The following FBXL17 variants were observed in gnomAD, a reference collection of about 807,000 sequenced individuals.
FBXL17 encodes F-box and leucine rich repeat protein 17.
Under a neutral mutation model 66.2 loss-of-function variants are expected in FBXL17, and 22 were observed. The ratio of observed to expected loss-of-function variants is 0.33; its 90% CI spans 0.24 to 0.47. The LOEUF is 0.47. FBXL17 is among the 20% of genes least tolerant of loss of function. The pLI, the probability that FBXL17 is intolerant of heterozygous loss-of-function variation, is 1.00. For synonymous variants in FBXL17, 474 were observed against 400.5 expected, an observed-to-expected ratio of 1.18 and a Z score of -2.19; for missense variants, 878 against 948.2, an observed-to-expected ratio of 0.93 and a Z score of 0.97.
At chr5:108,208,786 C>T (rs1166298688) in intron 5 of FBXL17, among the ~76,000 whole-genome samples, 1 of 152,116 alleles carries the variant, frequency 6.6e-6, no homozygotes, top group Non-Finnish European at 1.5e-5. Context: ...ACTGTCATGG[C>T]TATAAGGGCT....
At chr5:108,184,309 G>GTT (rs542214525) in intron 6 of FBXL17, among the ~76,000 whole-genome samples, 1 of 151,700 alleles carries the variant, frequency 6.6e-6, no homozygotes, top group African/African-American at 2.4e-5. Flanking sequence ...TTGTTTTTTC[G>GTT]TTTTTTTGTT....
intron 4 of FBXL17, among the ~76,000 whole-genome samples, chr5:108,331,795 G>A (rs1015203129): frequency 1.3e-5 from 2 of 151,724 alleles, no homozygotes; most frequent in African/African-American, 4.8e-5. Context: ...CAAGTCACAG[G>A]AATTGCTAAA....
chr5:108,166,179 C>G (rs1284192967), intron 6 of FBXL17, among the ~76,000 whole-genome samples: 1 of 152,152 alleles, frequency 6.6e-6, no homozygotes, highest in Admixed American at 6.5e-5. Flanking sequence ...ATGTTGCATT[C>G]CACTGTAATT....
chr5:107,996,683 C>T (rs984814030), intron 7 of FBXL17, among the ~76,000 whole-genome samples: 4 of 152,204 alleles, frequency 2.6e-5, no homozygotes, highest in Admixed American at 1.3e-4. Flanking sequence ...TAAAATATAT[C>T]TACTATATTT....
At chr5:108,174,095 C>T (rs1752703660) in intron 6 of FBXL17, among the ~76,000 whole-genome samples, 1 of 152,126 alleles carries the variant, frequency 6.6e-6, no homozygotes, top group Admixed American at 6.5e-5. Flanking sequence ...CTATTTCTCA[C>T]CACATTCAGC....
intron 4 of FBXL17, among the ~76,000 whole-genome samples, chr5:108,258,933 C>A (rs139583246): frequency 7.4e-4 from 113 of 152,026 alleles, no homozygotes; most frequent in African/African-American, 2.7e-3. Context: ...TAAAGCTAGA[C>A]ATAATAAAAG....
intron 6 of FBXL17, among the ~76,000 whole-genome samples, chr5:108,134,523 T>C (rs923358907): frequency 1.3e-5 from 2 of 152,146 alleles, no homozygotes; most frequent in Non-Finnish European, 2.9e-5. Flanking sequence ...AAACCTCGTA[T>C]CTGAACTGCA....
intron 6 of FBXL17, among the ~76,000 whole-genome samples, chr5:108,109,542 T>C (rs1453236603): frequency 6.6e-6 from 1 of 152,236 alleles, no homozygotes; most frequent in Non-Finnish European, 1.5e-5. Context: ...CTTTAGGTTT[T>C]AATTTCCTTA....
chr5:108,233,086 C>A (rs1315991097), intron 4 of FBXL17, among the ~76,000 whole-genome samples: 1 of 151,784 alleles, frequency 6.6e-6, no homozygotes, highest in African/African-American at 2.4e-5. Flanking sequence ...TAATTTTTCA[C>A]CAATTTTTAA....
intron 4 of FBXL17, among the ~76,000 whole-genome samples, chr5:108,243,651 T>C (rs749598545): frequency 6.6e-6 from 1 of 152,176 alleles, no homozygotes; most frequent in Non-Finnish European, 1.5e-5. Flanking sequence ...CTTCTTCCGT[T>C]TTGTCAAACT....
intron 6 of FBXL17, among the ~76,000 whole-genome samples, chr5:108,139,494 T>G (rs1026323093): frequency 6.6e-6 from 1 of 152,182 alleles, no homozygotes; most frequent in African/African-American, 2.4e-5. Context: ...TGTGGACCGA[T>G]GCCACTACAA....
intron 4 of FBXL17, among the ~76,000 whole-genome samples, chr5:108,291,016 CTAAAATA>C (rs1484401291): frequency 6.6e-6 from 1 of 152,088 alleles, no homozygotes; most frequent in Non-Finnish European, 1.5e-5. Context: ...GCAACGCCAT[CTAAAATA>C]ATTAAAGAAC....
chr5:108,317,998 G>T (rs190825441), intron 4 of FBXL17, among the ~76,000 whole-genome samples: 15 of 151,534 alleles, frequency 9.9e-5, no homozygotes, highest in African/African-American at 3.1e-4. Flanking sequence ...GGCCCAAAAT[G>T]ACTTTTATGA....
At chr5:107,997,648 TG>T (rs1753533337) in intron 7 of FBXL17, among the ~76,000 whole-genome samples, 1 of 152,214 alleles carries the variant, frequency 6.6e-6, no homozygotes, top group South Asian at 2.1e-4. Context: ...CTCTGTCTGA[TG>T]TTCTTGTCTG....
chr5:108,033,672 A>C (rs1466243108), intron 6 of FBXL17, among the ~76,000 whole-genome samples: 1 of 152,226 alleles, frequency 6.6e-6, no homozygotes, highest in Admixed American at 6.5e-5. Context: ...TAGTTTTATA[A>C]GAAACTGCCA....
At chr5:108,013,787 A>G (rs903105727) in intron 7 of FBXL17, among the ~76,000 whole-genome samples, 14 of 152,074 alleles carry the variant, frequency 9.2e-5, no homozygotes, top group African/African-American at 2.2e-4. Context: ...TTCCTACCCA[A>G]TGCTTTCATC....
At chr5:108,262,648 T>G (rs1756886034) in intron 4 of FBXL17, among the ~76,000 whole-genome samples, 1 of 152,110 alleles carries the variant, frequency 6.6e-6, no homozygotes. Context: ...GGAATCTTGA[T>G]TCCAAAATGA....
chr5:108,218,691 AT>A (rs35729083), intron 5 of FBXL17, among the ~76,000 whole-genome samples: 6,643 of 151,716 alleles, frequency 0.044, 794 homozygotes, highest in East Asian at 0.4. Flanking sequence ...GACACTGAGC[AT>A]TTTTTTTCAT....
intron 7 of FBXL17, among the ~76,000 whole-genome samples, chr5:108,000,617 C>A (rs1263204254): frequency 6.6e-6 from 1 of 152,120 alleles, no homozygotes; most frequent in African/African-American, 2.4e-5. Flanking sequence ...AATCCATACA[C>A]TGAATAAAAA....
Sources: allele counts gnomAD v4.1 joint callset (sites outside exome capture counted in the v4.1 genomes callset), GRCh38; gene constraint gnomAD v4.1.1; transcripts MANE v1.5; gene names NCBI Gene and HGNC (gene_info 2026-07-23, HGNC 2026-07-21).